Variants in C12orf42 observed in about 807,000 individuals in gnomAD.
C12orf42 encodes the protein uncharacterized protein C12orf42.
A neutral mutation model predicts 21.6 loss-of-function variants in C12orf42; 25 were observed. That is an observed-to-expected ratio of 1.16 (90% CI 0.84 to 1.62). The LOEUF (loss-of-function observed/expected upper bound fraction) is 1.62. Among genes scored for constraint, C12orf42 ranks in the 40% most tolerant of loss-of-function variants. The pLI is 0.00. For missense variants in C12orf42, 483 were observed against 459.3 expected, an observed-to-expected ratio of 1.05 and a Z score of -0.47; for synonymous variants, 174 against 175.0, an observed-to-expected ratio of 0.99 and a Z score of 0.05.
chr12:103,272,625 T>C (rs1164342174), intron 5 of C12orf42, among the ~76,000 whole-genome samples: 1 of 152,176 alleles, frequency 6.6e-6, no homozygotes, highest in Non-Finnish European at 1.5e-5. Context: ...TGATAGTGGG[T>C]TTCTTTTTCA....
intron 2 of C12orf42, among the ~76,000 whole-genome samples, chr12:103,470,515 C>A (rs751629519): frequency 6.6e-6 from 1 of 152,152 alleles, no homozygotes; most frequent in Non-Finnish European, 1.5e-5. Context: ...TTTAAAACTT[C>A]CTTTTTAATT....
At chr12:103,420,675 G>A (rs1021292686) in intron 2 of C12orf42, among the ~76,000 whole-genome samples, 13 of 151,852 alleles carry the variant, frequency 8.6e-5, no homozygotes, top group South Asian at 4.2e-4. Context: ...AATTACAGGC[G>A]CACACCACCA....
rs757310827 is a variant in C12orf42 at position 103,369,043 on chromosome 12, TG to T, written c.148-46del. 6 of 1,037,500 alleles carry T rather than the reference TG, an allele frequency of 5.8e-6. No homozygotes were observed. In the East Asian group the frequency reaches 1.5e-4, roughly 27 times the overall value. The allele number at this position is 1,037,500 out of a possible 1,614,324, so 64.3% of individuals were successfully genotyped here. A position where few individuals can be genotyped will look rare whatever the true frequency, so the allele number is the denominator to read the frequency against. On this transcript the variant is annotated intron_variant, in intron 3 of 5. Coordinates refer to ENST00000548883, the MANE Select transcript of C12orf42 (RefSeq NM_198521.5). ...AATACACACAAAAAAATTAGGTCAA[TG>T]GCTCCAGAATAATTCATGCCACCTA...
At chr12:103,503,605 G>A in the C12orf42 span, 1 of 152,266 alleles carries the variant, frequency 6.6e-6, no homozygotes, top group African/African-American at 2.4e-5. Context: ...AGGATGACAG[G>A]GTCATGCCCA....
the C12orf42 span, among the ~76,000 whole-genome samples, chr12:103,154,605 A>G: frequency 6.6e-6 from 1 of 152,194 alleles, no homozygotes; most frequent in East Asian, 1.9e-4. Flanking sequence ...GAATGAAAGG[A>G]AACAGACCAA....
chr12:103,072,566 T>A, the C12orf42 span, among the ~76,000 whole-genome samples: 1 of 152,248 alleles, frequency 6.6e-6, no homozygotes, highest in South Asian at 2.1e-4. Context: ...TTGGAGCAGA[T>A]GAGAGTCCCT....
rs1185396204 is a variant in C12orf42 at position 103,306,327 on chromosome 12, T to C, written c.278A>G (p.Gln93Arg). 1.9e-6 allele frequency: 3 copies of C among 1,606,460 alleles called. No homozygotes were observed. The African/African-American group carries it at 4.0e-5, about 22-fold the overall frequency. The change falls in exon 5 of 6, where the codon CAA (glutamine) becomes CGA (arginine). Residue 93 changes from glutamine to arginine, a missense_variant. Gln to Arg is a conservative substitution (Grantham distance 43). Transcript: ENST00000548883. ...LNFPVFPERT[Q>R]NSMACKRLLH... ...TAGTCTTTTACACGCCATTGAATTT[T>C]GAGTCCTTTCTGGAAATACTGTGAA...
the C12orf42 span, among the ~76,000 whole-genome samples, chr12:103,539,468 C>T: frequency 2.6e-4 from 39 of 152,212 alleles, 1 homozygote; most frequent in South Asian, 3.1e-3. Context: ...TCTGTTCCCA[C>T]GCCTCTTCCC....
chr12:103,368,806 A>C, intron 4 of C12orf42, 81 bp downstream of exon 4: 2 of 706,584 alleles, frequency 2.8e-6, no homozygotes, highest in South Asian at 2.2e-5. Context: ...TCTTCAATAC[A>C]ATCTTTATGA....
At chr12:103,144,131 A>T in the C12orf42 span, among the ~76,000 whole-genome samples, 1 of 152,136 alleles carries the variant, frequency 6.6e-6, no homozygotes, top group African/African-American at 2.4e-5. Context: ...ATGCCTATTT[A>T]TGGGGAGACT....
intron 3 of C12orf42, among the ~76,000 whole-genome samples, chr12:103,389,223 A>T (rs2046870736): frequency 6.6e-6 from 1 of 152,126 alleles, no homozygotes; most frequent in South Asian, 2.1e-4. Flanking sequence ...GGGGTGGGGG[A>T]TTTAAGCATC....
chr12:103,192,778 C>T, the C12orf42 span, among the ~76,000 whole-genome samples: 6 of 152,228 alleles, frequency 3.9e-5, no homozygotes, highest in African/African-American at 1.4e-4. Flanking sequence ...GAGAAATAGA[C>T]AGCAATACAA....
At chr12:103,106,605 T>A in the C12orf42 span, among the ~76,000 whole-genome samples, 1 of 151,216 alleles carries the variant, frequency 6.6e-6, no homozygotes, top group Non-Finnish European at 1.5e-5. Context: ...GAATACAGAG[T>A]TTAAAATTAT....
intron 10 of C12orf42, among the ~76,000 whole-genome samples, chr12:103,240,828 G>A (rs1388097508): frequency 6.6e-6 from 1 of 152,112 alleles, no homozygotes; most frequent in African/African-American, 2.4e-5. Context: ...TAGGCTCCTA[G>A]AAGTCAGGGA....
chr12:103,156,044 ATAATTTTAT>A, the C12orf42 span: 1 of 151,898 alleles, frequency 6.6e-6, no homozygotes, highest in African/African-American at 2.4e-5. Flanking sequence ...ATCAATAGCA[ATAATTTTAT>A]TAAGTAGTGT....
At chr12:103,289,464 A>T (rs1168157024) in intron 4 of C12orf42, among the ~76,000 whole-genome samples, 1 of 152,200 alleles carries the variant, frequency 6.6e-6, no homozygotes, top group Non-Finnish European at 1.5e-5. Flanking sequence ...TTCACATTAT[A>T]AAAATAATTA....
chr12:103,495,486 G>A (rs959404928), intron 1 of C12orf42, among the ~76,000 whole-genome samples: 2 of 152,068 alleles, frequency 1.3e-5, no homozygotes, highest in Non-Finnish European at 2.9e-5. Context: ...GCCGGGTGGG[G>A]AGGGCGGCGG....
At chr12:103,282,642 T>C (rs544833220) in intron 4 of C12orf42, among the ~76,000 whole-genome samples, 1 of 152,280 alleles carries the variant, frequency 6.6e-6, no homozygotes, top group Admixed American at 6.5e-5. Flanking sequence ...CAGATCCCCA[T>C]GATTAAGCAA....
At chr12:103,264,591 A>G (rs984713050), downstream of C12orf42, among the ~76,000 whole-genome samples, 6 of 152,180 alleles carry the variant, frequency 3.9e-5, no homozygotes, top group African/African-American at 1.4e-4. Flanking sequence ...AGTTTAGCCT[A>G]TAAATTCCTC....
Sources: gnomAD v4.1 joint callset for allele counts (sites outside exome capture counted in the v4.1 genomes callset) on GRCh38, gnomAD v4.1.1 for gene constraint, MANE v1.5 for transcripts, NCBI Gene and HGNC (gene_info 2026-07-23, HGNC 2026-07-21) for gene names.